PDIA5: variants seen among roughly 807,000 people sequenced by gnomAD.
PDIA5 encodes protein disulfide isomerase family A member 5, also known as protein disulfide-isomerase A5.
A neutral mutation model predicts 77.6 loss-of-function variants in PDIA5; 58 were observed. That is an observed-to-expected ratio of 0.75 (90% CI 0.61 to 0.93). The LOEUF is 0.93. PDIA5 is among the 40% of genes least tolerant of loss of function. PDIA5 has a pLI of 0.00. For synonymous variants in PDIA5, 250 were observed against 252.1 expected, an observed-to-expected ratio of 0.99 and a Z score of 0.08; for missense variants, 630 against 647.7, an observed-to-expected ratio of 0.97 and a Z score of 0.30.
At chr3:123,153,867 G>T (rs77877895) in intron 14 of PDIA5, among the ~76,000 whole-genome samples, 2,643 of 152,340 alleles carry the variant, frequency 0.017, 80 homozygotes, top group African/African-American at 0.058. Context: ...GAGCAAAGCC[G>T]TTTCTGTTCC....
At chr3:123,102,227 G>T (rs1469808377) in intron 3 of PDIA5, among the ~76,000 whole-genome samples, 184 bp from the exon 4 acceptor site, 1 of 152,116 alleles carries the variant, frequency 6.6e-6, no homozygotes, top group East Asian at 1.9e-4. Context: ...TTCTTGATCA[G>T]CCCCTAGCCT....
At chr3:123,118,151 C>G (rs1935036242) in intron 8 of PDIA5, among the ~76,000 whole-genome samples, 2 of 152,340 alleles carry the variant, frequency 1.3e-5, no homozygotes, top group South Asian at 4.1e-4. Flanking sequence ...CCAATGCTTT[C>G]TCTTTTGACC....
intron 8 of PDIA5, among the ~76,000 whole-genome samples, chr3:123,119,599 C>T (rs576309699): frequency 1.3e-5 from 2 of 152,316 alleles, no homozygotes; most frequent in Non-Finnish European, 2.9e-5. Context: ...CCCCTAGAGG[C>T]TAGGGCTTAC....
chr3:123,071,629 G>A (rs1352005406), intron 1 of PDIA5, among the ~76,000 whole-genome samples: 10 of 152,216 alleles, frequency 6.6e-5, no homozygotes, highest in African/African-American at 2.4e-5. Flanking sequence ...TAAGGTGGAA[G>A]TGTGGCTGAG....
chr3:123,151,258 T>C (rs540135344), intron 14 of PDIA5, among the ~76,000 whole-genome samples: 2 of 152,358 alleles, frequency 1.3e-5, no homozygotes, highest in African/African-American at 2.4e-5. Context: ...GGACTTGTCC[T>C]CTCCCAGTCC....
chr3:123,124,279 C>T lies in PDIA5; in HGVS notation c.709C>T (p.Arg237Trp), dbSNP rs766376617. The stretch of plus-strand genomic sequence containing the variant: ...TTTCTCCACGTTTCACAGGAAAGGA[C>T]GGTTCTTGTTCCAGTATGACAACTA... ...FPTICYFEKGRFLFQYDNYGS... is the reference protein window; with the variant it reads ...FPTICYFEKGWFLFQYDNYGS... The change falls in exon 10 of 17, where the codon CGG becomes TGG. Residue 237 changes from arginine (R) to tryptophan (W), a missense_variant. Arg to Trp is a moderately radical substitution (Grantham distance 101). Transcript: ENST00000316218. 15 of 1,612,324 alleles carry T rather than the reference C, an allele frequency of 9.3e-6. No individual in the cohort carries two copies. The highest frequency in any genetic ancestry group is 1.3e-5 in the African/African-American group (1 of 75,024).
intron 1 of PDIA5, among the ~76,000 whole-genome samples, chr3:123,079,844 C>CT (rs149535128): frequency 5.6e-4 from 84 of 149,284 alleles, no homozygotes; most frequent in African/African-American, 1.9e-3. Context: ...GTTTCTCAAC[C>CT]TTTTTTTTTT....
chr3:123,128,540 T>C (rs924837327), intron 10 of PDIA5, among the ~76,000 whole-genome samples: 11 of 152,292 alleles, frequency 7.2e-5, no homozygotes, highest in Non-Finnish European at 1.6e-4. Flanking sequence ...AAGGTCTTGC[T>C]CTGTCACCCA....
chr3:123,091,980 T>G (rs1487238132), intron 2 of PDIA5, among the ~76,000 whole-genome samples: 1 of 152,240 alleles, frequency 6.6e-6, no homozygotes, highest in Non-Finnish European at 1.5e-5. Flanking sequence ...ATTGTCATTG[T>G]TTATGGAATT....
At chr3:123,094,495 A>G (rs777443920) in intron 3 of PDIA5, among the ~76,000 whole-genome samples, 1 of 152,214 alleles carries the variant, frequency 6.6e-6, no homozygotes, top group Non-Finnish European at 1.5e-5. Flanking sequence ...CCTCCAGTTC[A>G]TTCACTCCTG....
intron 1 of PDIA5, among the ~76,000 whole-genome samples, chr3:123,072,828 T>C (rs1483201095): frequency 6.6e-6 from 1 of 152,050 alleles, no homozygotes; most frequent in African/African-American, 2.4e-5. Context: ...GGGCCAGAAA[T>C]GAATGCATGG....
At chr3:123,147,422 A>T (rs933720264) in intron 13 of PDIA5, among the ~76,000 whole-genome samples, 3 of 152,184 alleles carry the variant, frequency 2.0e-5, no homozygotes, top group Non-Finnish European at 4.4e-5. Flanking sequence ...AGTTGAACCT[A>T]TACGGTCTGA....
At chr3:123,107,982 A>G (rs1159419618) in intron 6 of PDIA5, among the ~76,000 whole-genome samples, 1 of 151,496 alleles carries the variant, frequency 6.6e-6, no homozygotes, top group Non-Finnish European at 1.5e-5. Context: ...TATTTTTTGT[A>G]GTGATGGGCT....
chr3:123,149,786 C>T (rs1935846831), intron 13 of PDIA5, among the ~76,000 whole-genome samples: 1 of 152,188 alleles, frequency 6.6e-6, no homozygotes, highest in South Asian at 2.1e-4. Flanking sequence ...GTCATCTGGA[C>T]TTGAACCCAG....
rs749559462 is a variant in PDIA5 at position 123,092,402 on chromosome 3, G to A, written c.217G>A (p.Ala73Thr). Reference sequence around the variant, plus strand: ...CAGGTTACTGTCCACAGTGGCCCAGGCGGTGAAAGGACAAGGGACCATCTG... The same window carrying A: ...CAGGTTACTGTCCACAGTGGCCCAGACGGTGAAAGGACAAGGGACCATCTG... ...HLRLLSTVAQ[A>T]VKGQGTICWV... The change falls in exon 3 of 17, where the codon GCG (alanine) becomes ACG (threonine). Residue 73 changes from alanine to threonine, a missense_variant. Physicochemically the swap from Ala to Thr is moderately conservative, Grantham distance 58. Coordinates refer to ENST00000316218, the MANE Select transcript of PDIA5 (RefSeq NM_006810.4). 2.5e-6 allele frequency: 4 copies of A among 1,613,936 alleles called. No individual in the cohort carries two copies. The Admixed American group carries it at 6.7e-5, about 27-fold the overall frequency.
rs1414566046 is a variant in PDIA5 at position 123,124,409 on chromosome 3, G to T, written c.773+66G>T. Reference sequence around the variant, plus strand: ...GGGCGGGGCATCTGCCGGGCCTGAGGGTCGCAGGGCTCTGGCTGGAGGTTG... The same window carrying T: ...GGGCGGGGCATCTGCCGGGCCTGAGTGTCGCAGGGCTCTGGCTGGAGGTTG... On this transcript the variant is annotated intron_variant, in intron 10 of 16. Coordinates refer to ENST00000316218, the MANE Select transcript of PDIA5 (RefSeq NM_006810.4). 1.6e-5 allele frequency: 18 copies of T among 1,146,034 alleles called. No homozygotes were observed. In the East Asian group the frequency reaches 3.7e-4, roughly 24 times the overall value. The allele number at this position is 1,146,034 out of a possible 1,614,324, so 71.0% of individuals were successfully genotyped here. A position where few individuals can be genotyped will look rare whatever the true frequency, so the allele number is the denominator to read the frequency against.
intron 11 of PDIA5, among the ~76,000 whole-genome samples, chr3:123,132,794 T>G (rs1356905260): frequency 6.6e-6 from 1 of 152,344 alleles, no homozygotes; most frequent in East Asian, 1.9e-4. Flanking sequence ...AGATACTGGC[T>G]GGCTGTTTCC....
At chr3:123,153,792 T>C (rs1307813209) in intron 14 of PDIA5, among the ~76,000 whole-genome samples, 1 of 152,270 alleles carries the variant, frequency 6.6e-6, no homozygotes. Context: ...AGCCTTAATT[T>C]GGTTTCACAA....
chr3:123,099,460 C>T (rs989989483), intron 3 of PDIA5, among the ~76,000 whole-genome samples: 2 of 152,210 alleles, frequency 1.3e-5, no homozygotes, highest in Non-Finnish European at 1.5e-5. Flanking sequence ...CCTCCCCACT[C>T]ACCCCTCAGG....
Sources: allele counts gnomAD v4.1 joint callset (sites outside exome capture counted in the v4.1 genomes callset), GRCh38; gene constraint gnomAD v4.1.1; transcripts MANE v1.5; gene names NCBI Gene and HGNC (gene_info 2026-07-23, HGNC 2026-07-21).